RABGAP1: variants seen among roughly 807,000 people sequenced by gnomAD.
The protein encoded by RABGAP1 is rab GTPase-activating protein 1.
Under a neutral mutation model 137.6 loss-of-function variants are expected in RABGAP1, and 23 were observed. The observed-to-expected ratio is 0.17, with a 90% CI of 0.12 to 0.24. RABGAP1 has a LOEUF of 0.24. Ranked by LOEUF, RABGAP1 falls within the 10% of genes least tolerant of loss-of-function variation. The pLI, the probability that RABGAP1 is intolerant of heterozygous loss-of-function variation, is 1.00. For synonymous variants in RABGAP1, 451 were observed against 450.7 expected, an observed-to-expected ratio of 1.00 and a Z score of -0.01; for missense variants, 906 against 1,275.8, an observed-to-expected ratio of 0.71 and a Z score of 4.42.
rs59639446 is a variant in RABGAP1 at position 123,047,919 on chromosome 9, G to GTTTTTTT, written c.1795-17399_1795-17393dup. Among the ~76,000 whole-genome samples, 24 of 62,276 alleles carry GTTTTTTT rather than the reference G, an allele frequency of 3.9e-4. 8 individuals are homozygous for GTTTTTTT. The highest frequency in any genetic ancestry group is 5.7e-4 in the Admixed American group (3 of 5,282). 40.9% of individuals were successfully genotyped at this position (62,276 alleles called of 152,430 possible). A position where few individuals can be genotyped will look rare whatever the true frequency, so the allele number is the denominator to read the frequency against. ...TATCTAGCCATTTTACAGCTGCTGGGTTTTTTTTTTTTTTTTTTTTTTTTT... is the reference window on the plus strand; with the variant it reads ...TATCTAGCCATTTTACAGCTGCTGGGTTTTTTTTTTTTTTTTTTTTTTTTTTTTTTTT... On this transcript the variant is annotated intron_variant, in intron 13 of 25. Transcript: ENST00000373647.
chr9:122,966,244 G>T (rs1434820407), intron 2 of RABGAP1, among the ~76,000 whole-genome samples: 1 of 152,180 alleles, frequency 6.6e-6, no homozygotes, highest in Non-Finnish European at 1.5e-5. Flanking sequence ...TGAAATTATG[G>T]CTGGGTGCAG....
intron 13 of RABGAP1, among the ~76,000 whole-genome samples, chr9:123,036,173 T>C (rs555381898): frequency 1.3e-5 from 2 of 152,362 alleles, no homozygotes; most frequent in Non-Finnish European, 2.9e-5. Flanking sequence ...TGTGTTTTAT[T>C]CTCTTGAGAG....
In RABGAP1 at chr9:123,077,684, GTAT is replaced by G. The variant is rs1378668640; in HGVS notation, c.2424+924_2424+926del. Reference sequence around the variant, plus strand: ...GTATTGTATTGTATTGTATTGTATTGTATTGTATTTATTTTCTGTGGGGCTTTT... The same window carrying G: ...GTATTGTATTGTATTGTATTGTATTGTGTATTTATTTTCTGTGGGGCTTTT... On this transcript the variant is annotated intron_variant, in intron 19 of 25. Transcript: ENST00000373647. Among the ~76,000 whole-genome samples the G allele has an allele frequency of 1.7e-4, 18 of 104,552 alleles. No homozygotes were observed. In the East Asian group the frequency reaches 5.0e-3, roughly 29 times the overall value. The allele number at this position is 104,552 out of a possible 152,430, so 68.6% of individuals were successfully genotyped here. A position where few individuals can be genotyped will look rare whatever the true frequency, so the allele number is the denominator to read the frequency against.
chr9:123,057,931 C>T (rs1406542443), intron 13 of RABGAP1, among the ~76,000 whole-genome samples: 1 of 152,176 alleles, frequency 6.6e-6, no homozygotes, highest in Non-Finnish European at 1.5e-5. Context: ...CGCGCGCCTG[C>T]AATCACAGGC....
intron 13 of RABGAP1, among the ~76,000 whole-genome samples, chr9:123,051,638 G>A (rs2033477365): frequency 6.6e-6 from 1 of 152,040 alleles, no homozygotes; most frequent in African/African-American, 2.4e-5. Context: ...TAAACACTGA[G>A]CAGCCTTCAT....
At chr9:123,040,032 C>T (rs1256086177) in intron 13 of RABGAP1, among the ~76,000 whole-genome samples, 1 of 152,124 alleles carries the variant, frequency 6.6e-6, no homozygotes, top group East Asian at 1.9e-4. Context: ...TCAAGAAGCA[C>T]TTATCTAGTA....
intron 24 of RABGAP1, 57 bp from the exon 25 acceptor site, chr9:123,101,509 C>T (rs781483082): frequency 6.6e-7 from 1 of 1,507,516 alleles, no homozygotes; most frequent in Non-Finnish European, 9.0e-7. Context: ...ATGCTCACAC[C>T]ATCCTAAAGG....
chr9:123,056,225 T>A (rs1380743488), intron 13 of RABGAP1, among the ~76,000 whole-genome samples: 2 of 152,236 alleles, frequency 1.3e-5, no homozygotes, highest in Non-Finnish European at 2.9e-5. Context: ...TCTTTTTAAA[T>A]GTTGACAGCA....
intron 6 of RABGAP1, among the ~76,000 whole-genome samples, chr9:122,991,701 C>T (rs1836732647): frequency 6.6e-6 from 1 of 151,460 alleles, no homozygotes; most frequent in Non-Finnish European, 1.5e-5. Flanking sequence ...CTTCTGGTCT[C>T]AAGCAGTCCT....
chr9:122,999,234 A>G (rs1837197608), intron 10 of RABGAP1, among the ~76,000 whole-genome samples: 1 of 152,024 alleles, frequency 6.6e-6, no homozygotes, highest in Non-Finnish European at 1.5e-5. Flanking sequence ...CCCAGGCTGG[A>G]GTGCAGTGGC....
At chr9:123,077,693 T>TGTATTGTATTGTATTGTATTGTATTG (rs79926856) in intron 19 of RABGAP1, among the ~76,000 whole-genome samples, 64 of 149,296 alleles carry the variant, frequency 4.3e-4, no homozygotes, top group Non-Finnish European at 6.7e-4. Flanking sequence ...TGTATTGTAT[T>TGTATTGTATTGTATTGTATTGTATTG]TATTTTCTGT....
At chr9:123,073,424 G>T (rs2034418692) in intron 15 of RABGAP1, 128 bp from the exon 16 acceptor site, 1 of 1,178,262 alleles carries the variant, frequency 8.5e-7, no homozygotes, top group Admixed American at 2.3e-5. Flanking sequence ...CTGAGTTTCT[G>T]CATAGCACTA....
At chr9:123,000,362 C>G (rs950206831) in intron 10 of RABGAP1, among the ~76,000 whole-genome samples, 5 of 151,616 alleles carry the variant, frequency 3.3e-5, no homozygotes, top group African/African-American at 1.2e-4. Context: ...CTTTTTTGGC[C>G]CCCAGTTGTT....
chr9:122,974,651 T>C (rs1042668394), intron 2 of RABGAP1, among the ~76,000 whole-genome samples: 2 of 152,048 alleles, frequency 1.3e-5, no homozygotes, highest in Non-Finnish European at 2.9e-5. Context: ...AAAATTAAAA[T>C]AAAACCCATC....
intron 2 of RABGAP1, among the ~76,000 whole-genome samples, chr9:122,960,674 A>G (rs1346086820): frequency 6.6e-6 from 1 of 152,226 alleles, no homozygotes; most frequent in Non-Finnish European, 1.5e-5. Flanking sequence ...AAAGCAAGCT[A>G]CAGATACTGC....
At chr9:123,088,604 A>G (rs989510094) in intron 19 of RABGAP1, among the ~76,000 whole-genome samples, 5 of 152,016 alleles carry the variant, frequency 3.3e-5, no homozygotes, top group Non-Finnish European at 4.4e-5. Context: ...GGGAGGATCA[A>G]CTTGCCACAG....
At chr9:123,082,829 G>C (rs1024262517) in intron 19 of RABGAP1, among the ~76,000 whole-genome samples, 2 of 152,242 alleles carry the variant, frequency 1.3e-5, no homozygotes, top group African/African-American at 2.4e-5. Flanking sequence ...GCTATTTGGA[G>C]AAACAGAAAA....
intron 19 of RABGAP1, among the ~76,000 whole-genome samples, chr9:123,087,572 C>T (rs1299042155): frequency 1.3e-5 from 2 of 152,188 alleles, no homozygotes; most frequent in Non-Finnish European, 2.9e-5. Context: ...AAAGTTTACC[C>T]TAGCATTGGG....
At chr9:123,074,250 A>G in intron 16 of RABGAP1, 35 bp from the exon 17 acceptor site, 1 of 1,612,046 alleles carries the variant, frequency 6.2e-7, no homozygotes, top group Non-Finnish European at 8.5e-7. Flanking sequence ...GGACAGATGC[A>G]TATGTGCCCA....
Sources: allele counts gnomAD v4.1 joint callset (sites outside exome capture counted in the v4.1 genomes callset), GRCh38; gene constraint gnomAD v4.1.1; transcripts MANE v1.5; gene names NCBI Gene and HGNC (gene_info 2026-07-23, HGNC 2026-07-21).